The following ACTL10 variants were observed in gnomAD, a reference collection of about 807,000 sequenced individuals.
The protein encoded by ACTL10 is actin like 10, also known as actin-like protein 10.
For synonymous variants in ACTL10, 180 were observed against 169.9 expected (o/e 1.06, Z -0.46); for missense variants, 413 against 359.4 (o/e 1.15, Z -1.21).
chr20:33,667,400 G>A lies in ACTL10; in HGVS notation c.-98G>A, dbSNP rs1330279630. The A allele has an allele frequency of 7.2e-7, 1 of 1,391,766 alleles. No homozygotes were observed. The allele number at this position is 1,391,766 out of a possible 1,614,324, so 86.2% of individuals were successfully genotyped here. A position where few individuals can be genotyped will look rare whatever the true frequency, so the allele number is the denominator to read the frequency against. ...GGCCTGCGGGTGTGCCCAGAGCAGT[G>A]GCCCGTGCTGGTGAGCGACTCGCCG... is the stretch of plus-strand genomic sequence containing the variant. On this transcript the variant is annotated 5_prime_UTR_variant, in exon 1 of 1. Transcript: ENST00000677665.
In ACTL10 at chr20:33,667,846, A is replaced by C. The variant is rs560049461; in HGVS notation, c.349A>C (p.Ser117Arg). ...GGGTAACGGGTGCTGCGTCTGCCTC[A>C]GCAGTGAGCGCTTCCGCTGCCCCGA... Reference protein sequence around the residue: ...SVGNGCCVCLSSERFRCPEPI... With the variant: ...SVGNGCCVCLRSERFRCPEPI... Residue 117 changes from serine (S) to arginine (R), a missense_variant, in exon 1 of 1, where the codon AGC (serine) becomes CGC (arginine). Transcript: ENST00000677665. 4.3e-6 allele frequency: 7 copies of C among 1,609,252 alleles called. No individual in the cohort carries two copies. The South Asian group carries it at 6.6e-5, about 15-fold the overall frequency.
chr20:33,667,932 C>A lies in ACTL10; in HGVS notation c.435C>A (p.Phe145Leu), dbSNP rs2017727121. 1.3e-6 allele frequency: 2 copies of A among 1,558,156 alleles called. No homozygotes were observed. Among genetic ancestry groups the A allele is most frequent in the East Asian group, 2.4e-5 (1 of 41,378 alleles). Reference protein sequence around the residue: ...QAEQGLPALAFRALQKMPKTL... With the variant: ...QAEQGLPALALRALQKMPKTL... ...AGCAGGGGCTGCCCGCGCTGGCCTTCCGGGCGCTGCAGAAGATGCCCAAAA... is the reference window on the plus strand; with the variant it reads ...AGCAGGGGCTGCCCGCGCTGGCCTTACGGGCGCTGCAGAAGATGCCCAAAA... The change falls in exon 1 of 1, where the codon TTC becomes TTA. Residue 145 changes from phenylalanine (F) to leucine (L), a missense_variant. Coordinates refer to ENST00000677665, the MANE Select transcript of ACTL10 (RefSeq NM_001024675.2).
chr20:33,667,850 G>A lies in ACTL10; in HGVS notation c.353G>A (p.Ser118Asn). Residue 118 changes from serine to asparagine, a missense_variant, in exon 1 of 1, where the codon AGT becomes AAT. Physicochemically the swap from Ser to Asn is conservative, Grantham distance 46. Coordinates refer to ENST00000677665, the MANE Select transcript of ACTL10 (RefSeq NM_001024675.2). ...AACGGGTGCTGCGTCTGCCTCAGCA[G>A]TGAGCGCTTCCGCTGCCCCGAACCC... ...VGNGCCVCLSSERFRCPEPIF... is the reference protein window; with the variant it reads ...VGNGCCVCLSNERFRCPEPIF... 1.2e-6 allele frequency: 2 copies of A among 1,608,834 alleles called. No homozygotes were observed. The highest frequency in any genetic ancestry group is 8.5e-7 in the Non-Finnish European group (1 of 1,177,970).
chr20:33,667,779 C>A lies in ACTL10; in HGVS notation c.282C>A (p.Asp94Glu), dbSNP rs770957277. ...SCYVSLDFEGDLRDPARHHPA... is the reference protein window; with the variant it reads ...SCYVSLDFEGELRDPARHHPA... Reference sequence around the variant, plus strand: ...ACGTGTCCCTGGACTTCGAGGGCGACCTCCGCGACCCCGCCCGCCACCATC... The same window carrying A: ...ACGTGTCCCTGGACTTCGAGGGCGAACTCCGCGACCCCGCCCGCCACCATC... The change falls in exon 1 of 1, where the codon GAC becomes GAA. Residue 94 changes from aspartate to glutamate, a missense_variant. Transcript: ENST00000677665. The A allele has an allele frequency of 6.2e-7, 1 of 1,612,540 alleles. No homozygotes were observed. Among genetic ancestry groups the A allele is most frequent in the Non-Finnish European group, 8.5e-7 (1 of 1,179,888 alleles).
In ACTL10 at chr20:33,667,666, C is replaced by T; in HGVS notation, c.169C>T (p.Arg57Trp). 2.5e-6 allele frequency: 4 copies of T among 1,611,198 alleles called. No individual in the cohort carries two copies. The highest frequency in any genetic ancestry group is 3.4e-6 in the Non-Finnish European group (4 of 1,179,466). ...AGGCAGCACCCTGTCGCGCTACCTG[C>T]GGGATCTGCTGGTGGCGGCGAACCC... ...VAGSTLSRYL[R>W]DLLVAANPDL... Residue 57 changes from arginine (R) to tryptophan (W), a missense_variant, in exon 1 of 1, where the codon CGG (arginine) becomes TGG (tryptophan). Coordinates refer to ENST00000677665, the MANE Select transcript of ACTL10 (RefSeq NM_001024675.2).
rs1376353275 is a variant in ACTL10, at chr20:33,667,892, TGCTGGGCCA to T, written c.397_405del (p.Leu133_Gln135del). 1 of 1,587,528 alleles carries T rather than the reference TGCTGGGCCA, an allele frequency of 6.3e-7. No homozygotes were observed. The highest frequency in any genetic ancestry group is 1.8e-5 in the Admixed American group (1 of 56,260). Reference sequence around the variant, plus strand: ...CCCGAACCCATCTTCCAGCCGGGCCTGCTGGGCCAGGCTGAGCAGGGGCTGCCCGCGCTG... The same window carrying T: ...CCCGAACCCATCTTCCAGCCGGGCCTGGCTGAGCAGGGGCTGCCCGCGCTG... On this transcript the variant is annotated inframe_deletion, in exon 1 of 1. Coordinates refer to ENST00000677665, the MANE Select transcript of ACTL10 (RefSeq NM_001024675.2).
chr20:33,667,513 T>C lies in ACTL10; in HGVS notation c.16T>C (p.Leu6=), dbSNP rs1046600505. 3 of 1,524,496 alleles carry C rather than the reference T, an allele frequency of 2.0e-6. No homozygotes were observed. Among genetic ancestry groups the C allele is most frequent in the South Asian group, 1.2e-5 (1 of 82,428 alleles). 94.4% of individuals were successfully genotyped at this position (1,524,496 alleles called of 1,614,324 possible). A position where few individuals can be genotyped will look rare whatever the true frequency, so the allele number is the denominator to read the frequency against. ...CGCGTGCCACATGGCTAGCACCGCG[T>C]TGCTGGCGCTCTGCTCCACCGGCGC... The part of the protein sequence containing the change: MASTA[L]LALCSTGAFS... Residue 6 remains leucine (L), a synonymous_variant, in exon 1 of 1, where the codon TTG becomes CTG. Coordinates refer to ENST00000677665, the MANE Select transcript of ACTL10 (RefSeq NM_001024675.2).
In ACTL10 at chr20:33,668,074, G is replaced by C. The variant is rs1207431683; in HGVS notation, c.577G>C (p.Ala193Pro). Reference sequence around the variant, plus strand: ...GGCGCAGTGCCGGCGGCACGGCTACGCGGCCCTGCGGCCCCACCTGGTGGC... The same window carrying C: ...GGCGCAGTGCCGGCGGCACGGCTACCCGGCCCTGCGGCCCCACCTGGTGGC... The part of the protein sequence containing the change: ...LEAQCRRHGY[A>P]ALRPHLVAKH... The change falls in exon 1 of 1, where the codon GCG becomes CCG. Residue 193 changes from alanine to proline, a missense_variant. Physicochemically the swap from Ala to Pro is conservative, Grantham distance 27 (BLOSUM62 -1). Transcript: ENST00000677665. 1.9e-6 allele frequency: 3 copies of C among 1,581,210 alleles called. No individual in the cohort carries two copies. Among genetic ancestry groups the C allele is most frequent in the African/African-American group, 2.7e-5 (2 of 74,046 alleles).
Position 33,667,595 on chromosome 20 carries a change from A to G in ACTL10, c.98A>G (p.Tyr33Cys). 1 of 1,578,784 alleles carries G rather than the reference A, an allele frequency of 6.3e-7. No individual in the cohort carries two copies. Residue 33 changes from tyrosine (Y) to cysteine (C), a missense_variant, in exon 1 of 1, where the codon TAC becomes TGC. By Grantham distance (194) the Tyr-to-Cys change is radical (BLOSUM62 -2). Transcript: ENST00000677665. ...GAGVCHATPI[Y>C]AGHSWHQATF... ...GGCGTGTGCCACGCCACGCCCATCT[A>G]CGCGGGTCACTCGTGGCACCAGGCC... is the stretch of plus-strand genomic sequence containing the variant.
In ACTL10 at chr20:33,668,448, A is replaced by G. The variant is rs1257584632; in HGVS notation, c.*213A>G. 1 of 597,962 alleles carries G rather than the reference A, an allele frequency of 1.7e-6. No homozygotes were observed. 37.0% of individuals were successfully genotyped at this position (597,962 alleles called of 1,614,324 possible). ...ATCTCCCCAACCACTGCCAGTTCAGAGAATGCCAGTCCAGCTGCCTACCCA... is the reference window on the plus strand; with the variant it reads ...ATCTCCCCAACCACTGCCAGTTCAGGGAATGCCAGTCCAGCTGCCTACCCA... On this transcript the variant is annotated 3_prime_UTR_variant, in exon 1 of 1. Coordinates refer to ENST00000677665, the MANE Select transcript of ACTL10 (RefSeq NM_001024675.2).
In ACTL10 at chr20:33,667,169, T is replaced by A. The variant is rs1230816463; in HGVS notation, c.-329T>A. On this transcript the variant is annotated 5_prime_UTR_variant, in exon 1 of 1. Coordinates refer to ENST00000677665, the MANE Select transcript of ACTL10 (RefSeq NM_001024675.2). ...GTGGTGGTGGACCAGGGCTCGGGCTTCACCAAGGCGGGCTTCGCGGGCGAG... is the reference window on the plus strand; with the variant it reads ...GTGGTGGTGGACCAGGGCTCGGGCTACACCAAGGCGGGCTTCGCGGGCGAG... 2 of 244,554 alleles carry A rather than the reference T, an allele frequency of 8.2e-6. No homozygotes were observed. Among genetic ancestry groups the A allele is most frequent in the East Asian group, 1.5e-4 (2 of 13,456 alleles). 15.1% of individuals were successfully genotyped at this position (244,554 alleles called of 1,614,324 possible). A position where few individuals can be genotyped will look rare whatever the true frequency, so the allele number is the denominator to read the frequency against.
rs2122508043 is a variant in ACTL10, at chr20:33,668,011, T to C, written c.514T>C (p.Phe172Leu). 3.2e-6 allele frequency: 5 copies of C among 1,542,306 alleles called. No homozygotes were observed. Among genetic ancestry groups the C allele is most frequent in the Non-Finnish European group, 4.4e-6 (5 of 1,142,180 alleles). ...TVVLAGGSTL[F>L]PGFAERLDKE... ...GGTGCTAGCCGGCGGCTCCACACTG[T>C]TTCCTGGCTTCGCCGAGCGCCTGGA... Residue 172 changes from phenylalanine to leucine, a missense_variant, in exon 1 of 1, where the codon TTT (phenylalanine) becomes CTT (leucine). Physicochemically the swap from Phe to Leu is conservative, Grantham distance 22. Coordinates refer to ENST00000677665, the MANE Select transcript of ACTL10 (RefSeq NM_001024675.2).
At position 33,667,485 on chromosome 20, in the gene ACTL10, GC is replaced by G. The variant is rs2122504275; in HGVS notation, c.-10del. 1.4e-6 allele frequency: 2 copies of G among 1,472,618 alleles called. No individual in the cohort carries two copies. Among genetic ancestry groups the G allele is most frequent in the East Asian group, 4.9e-5 (2 of 40,430 alleles). 91.2% of individuals were successfully genotyped at this position (1,472,618 alleles called of 1,614,324 possible). A position where few individuals can be genotyped will look rare whatever the true frequency, so the allele number is the denominator to read the frequency against. The stretch of plus-strand genomic sequence containing the variant: ...AGCTGCTGTTCGAGACCCTGGCAGT[GC>G]CCGCGTGCCACATGGCTAGCACCGC... On this transcript the variant is annotated 5_prime_UTR_variant, in exon 1 of 1. Coordinates refer to ENST00000677665, the MANE Select transcript of ACTL10 (RefSeq NM_001024675.2).
Position 33,667,158 on chromosome 20 carries a change from G to A in ACTL10, c.-340G>A, listed in dbSNP as rs1047408427. 4 of 228,320 alleles carry A rather than the reference G, an allele frequency of 1.8e-5. No individual in the cohort carries two copies. The highest frequency in any genetic ancestry group is 1.7e-4 in the East Asian group (2 of 11,876). The allele number at this position is 228,320 out of a possible 1,614,324, so 14.1% of individuals were successfully genotyped here. On this transcript the variant is annotated 5_prime_UTR_variant, in exon 1 of 1. Coordinates refer to ENST00000677665, the MANE Select transcript of ACTL10 (RefSeq NM_001024675.2). The stretch of plus-strand genomic sequence containing the variant: ...GCCGCATCGCGGTGGTGGTGGACCA[G>A]GGCTCGGGCTTCACCAAGGCGGGCT...
Position 33,667,866 on chromosome 20 carries a change from C to T in ACTL10, c.369C>T (p.Cys123=). Residue 123 remains cysteine (C), a synonymous_variant, in exon 1 of 1, where the codon TGC becomes TGT. Coordinates refer to ENST00000677665, the MANE Select transcript of ACTL10 (RefSeq NM_001024675.2). ...CVCLSSERFR[C]PEPIFQPGLL... ...GCCTCAGCAGTGAGCGCTTCCGCTG[C>T]CCCGAACCCATCTTCCAGCCGGGCC... is the stretch of plus-strand genomic sequence containing the variant. The T allele has an allele frequency of 1.2e-6, 2 of 1,602,980 alleles. No individual in the cohort carries two copies. Among genetic ancestry groups the T allele is most frequent in the Non-Finnish European group, 1.7e-6 (2 of 1,175,114 alleles).
At position 33,668,204 on chromosome 20, in the gene ACTL10, G is replaced by A; in HGVS notation, c.707G>A (p.Gly236Asp). 5 of 1,604,232 alleles carry A rather than the reference G, an allele frequency of 3.1e-6. No homozygotes were observed. Among genetic ancestry groups the A allele is most frequent in the Non-Finnish European group, 4.3e-6 (5 of 1,175,332 alleles). Reference protein sequence around the residue: ...WITRAMYQECGSRLLYDVFN With the variant: ...WITRAMYQECDSRLLYDVFN ...ACTCGGGCCATGTACCAGGAGTGTG[G>A]CTCCAGGCTGCTGTACGATGTGTTC... Residue 236 changes from glycine to aspartate, a missense_variant, in exon 1 of 1, where the codon GGC becomes GAC. Transcript: ENST00000677665.
Position 33,668,053 on chromosome 20 carries a change from C to A in ACTL10, c.556C>A (p.Gln186Lys). ...GCGCCTGGACAAGGAGCTGGAGGCG[C>A]AGTGCCGGCGGCACGGCTACGCGGC... ...AERLDKELEA[Q>K]CRRHGYAALR... is the part of the protein sequence containing the mutation. The change falls in exon 1 of 1, where the codon CAG (glutamine) becomes AAG (lysine). Residue 186 changes from glutamine (Q) to lysine (K), a missense_variant. Transcript: ENST00000677665. 6.4e-7 allele frequency: 1 copy of A among 1,560,886 alleles called. No homozygotes were observed. The highest frequency in any genetic ancestry group is 8.7e-7 in the Non-Finnish European group (1 of 1,153,038).
Position 33,668,303 on chromosome 20 carries a change from T to G in ACTL10, c.*68T>G, listed in dbSNP as rs1001427673. 6.6e-7 allele frequency: 1 copy of G among 1,520,622 alleles called. No homozygotes were observed. The highest frequency in any genetic ancestry group is 1.4e-5 in the African/African-American group (1 of 71,942). The allele number at this position is 1,520,622 out of a possible 1,614,324, so 94.2% of individuals were successfully genotyped here. On this transcript the variant is annotated 3_prime_UTR_variant, in exon 1 of 1. Transcript: ENST00000677665. ...CTCTCTATCTAAAGAGTCAAGTGTT[T>G]GGAGCTGGCAGGGTCCTCCTGGAGG... is the stretch of plus-strand genomic sequence containing the variant.
chr20:33,667,684 G>A lies in ACTL10; in HGVS notation c.187G>A (p.Ala63Thr), dbSNP rs868243886. ...SRYLRDLLVA[A>T]NPDLLQQALP... ...CTACCTGCGGGATCTGCTGGTGGCG[G>A]CGAACCCTGACCTCTTGCAGCAGGC... The change falls in exon 1 of 1, where the codon GCG becomes ACG. Residue 63 changes from alanine (A) to threonine (T), a missense_variant. Coordinates refer to ENST00000677665, the MANE Select transcript of ACTL10 (RefSeq NM_001024675.2). 2 of 1,611,838 alleles carry A rather than the reference G, an allele frequency of 1.2e-6. No individual in the cohort carries two copies. The highest frequency in any genetic ancestry group is 1.7e-6 in the Non-Finnish European group (2 of 1,179,810).
Sources: allele counts gnomAD v4.1 joint callset, GRCh38; gene constraint gnomAD v4.1.1; transcripts MANE v1.5; gene names NCBI Gene and HGNC (gene_info 2026-07-23, HGNC 2026-07-21).